The following PRKN variants were observed in gnomAD, a reference collection of about 807,000 sequenced individuals.
The protein encoded by PRKN is E3 ubiquitin-protein ligase parkin.
Under a neutral mutation model 59.5 loss-of-function variants are expected in PRKN, and 56 were observed. That is an observed-to-expected ratio of 0.94 (90% CI 0.76 to 1.18). PRKN has a LOEUF of 1.18. Ranked by LOEUF, PRKN falls within the 50% of genes most tolerant of loss-of-function variation. PRKN has a pLI of 0.00. For synonymous variants in PRKN, 250 were observed against 222.1 expected, an observed-to-expected ratio of 1.13 and a Z score of -1.12; for missense variants, 657 against 596.4, an observed-to-expected ratio of 1.10 and a Z score of -1.06.
intron 5 of PRKN, among the ~76,000 whole-genome samples, chr6:162,006,536 C>G (rs571282705): frequency 1.3e-5 from 2 of 152,176 alleles, no homozygotes; most frequent in Non-Finnish European, 2.9e-5. Context: ...GTCTACAAGA[C>G]CAACGTGAGT....
chr6:162,543,003 C>T (rs1051112569), intron 1 of PRKN, among the ~76,000 whole-genome samples: 6 of 152,162 alleles, frequency 3.9e-5, no homozygotes, highest in Non-Finnish European at 8.8e-5. Context: ...TCTGAGGCAA[C>T]ACTGAGCAAA....
At chr6:162,606,656 G>T (rs1378282013) in intron 1 of PRKN, among the ~76,000 whole-genome samples, 1 of 152,152 alleles carries the variant, frequency 6.6e-6, no homozygotes, top group African/African-American at 2.4e-5. Flanking sequence ...TGATAGATTT[G>T]ATATTGACAT....
chr6:161,404,895 C>A (rs150793149), intron 9 of PRKN, among the ~76,000 whole-genome samples: 1 of 152,180 alleles, frequency 6.6e-6, no homozygotes, highest in South Asian at 2.1e-4. Flanking sequence ...AAACAGAATG[C>A]GAAGCCGTAA....
intron 1 of PRKN, among the ~76,000 whole-genome samples, chr6:162,716,772 GCACACACACACGCGCACACACACA>G (rs1459323951): frequency 2.2e-5 from 3 of 134,640 alleles, no homozygotes; most frequent in African/African-American, 6.5e-5. Context: ...GCGCGCGCAC[GCACACACACACGCGCACACACACA>G]CACACACACA....
intron 1 of PRKN, among the ~76,000 whole-genome samples, chr6:162,465,577 A>G (rs1791375297): frequency 6.6e-6 from 1 of 152,220 alleles, no homozygotes; most frequent in African/African-American, 2.4e-5. Context: ...AAAATGCAAA[A>G]TAATTCTTTT....
Position 161,359,963 on chromosome 6 carries a change from G to A in PRKN, c.1285+125C>T, listed in dbSNP as rs766875584. On this transcript the variant is annotated intron_variant, in intron 11 of 11. Transcript: ENST00000366898. The surrounding 1 kb of genome is among the most constrained non-coding windows in gnomAD (Gnocchi z 5.4). ...ATAGTGATAATGGGTAACATTAATCGAGGGGTTACCCAACACACCAGGCAC... is the reference window on the plus strand; with the variant it reads ...ATAGTGATAATGGGTAACATTAATCAAGGGGTTACCCAACACACCAGGCAC... 74 of 766,522 alleles carry A rather than the reference G, an allele frequency of 9.7e-5. No homozygotes were observed. Among genetic ancestry groups the A allele is most frequent in the South Asian group, 3.3e-4 (23 of 70,766 alleles). 47.5% of individuals were successfully genotyped at this position (766,522 alleles called of 1,614,324 possible).
At chr6:162,150,225 A>G (rs1052709660) in intron 4 of PRKN, among the ~76,000 whole-genome samples, 2 of 152,366 alleles carry the variant, frequency 1.3e-5, no homozygotes, top group South Asian at 4.1e-4. Flanking sequence ...AACAGTGAAA[A>G]GGATCGGTCA....
chr6:161,408,381 G>T (rs1401241608), intron 9 of PRKN, among the ~76,000 whole-genome samples: 1 of 151,110 alleles, frequency 6.6e-6, no homozygotes, highest in African/African-American at 2.4e-5. Flanking sequence ...CGGACATGTG[G>T]GTTTGCGTAT....
At chr6:161,505,178 A>C (rs374109931) in intron 9 of PRKN, among the ~76,000 whole-genome samples, 3 of 152,246 alleles carry the variant, frequency 2.0e-5, no homozygotes, top group South Asian at 2.1e-4. Flanking sequence ...ACATCCTCTC[A>C]AGCATCTGTT....
chr6:161,506,920 G>C (rs1285364002), intron 9 of PRKN, among the ~76,000 whole-genome samples: 1 of 152,112 alleles, frequency 6.6e-6, no homozygotes, highest in Non-Finnish European at 1.5e-5. Flanking sequence ...AGGCTGCCAC[G>C]GAGCCAGGAG....
chr6:162,422,544 T>TA (rs1418526369), intron 2 of PRKN, among the ~76,000 whole-genome samples: 2 of 152,154 alleles, frequency 1.3e-5, no homozygotes, highest in African/African-American at 4.8e-5. Context: ...GTGGTACTTT[T>TA]AAAAAATGAC....
At chr6:162,634,772 C>T (rs35443919) in intron 1 of PRKN, among the ~76,000 whole-genome samples, 13,214 of 152,224 alleles carry the variant, frequency 0.087, 724 homozygotes, top group Middle Eastern at 0.18. Context: ...TAAAGGCACA[C>T]GCCACCATGG....
intron 6 of PRKN, among the ~76,000 whole-genome samples, chr6:161,954,927 G>T (rs1039319416): frequency 6.6e-6 from 1 of 152,176 alleles, no homozygotes; most frequent in African/African-American, 2.4e-5. Flanking sequence ...CAATGGAAAA[G>T]AGCCAGCCCC....
chr6:162,389,018 A>C lies in PRKN; in HGVS notation c.171+54292T>G, dbSNP rs796418071. Among the ~76,000 whole-genome samples the C allele has an allele frequency of 5.4e-5, 8 of 149,326 alleles. No individual in the cohort carries two copies. The East Asian group carries it at 9.7e-4, about 18-fold the overall frequency. On this transcript the variant is annotated intron_variant, in intron 2 of 11. Coordinates refer to ENST00000366898, the MANE Select transcript of PRKN (RefSeq NM_004562.3). ...TTTCAGTTCCTCCAGAAAAAAAAAAAAAAAAACAAAAAAACCTGACCCTCA... is the reference window on the plus strand; with the variant it reads ...TTTCAGTTCCTCCAGAAAAAAAAAACAAAAAACAAAAAAACCTGACCCTCA...
chr6:161,853,898 C>T (rs759331846), intron 6 of PRKN, among the ~76,000 whole-genome samples: 1 of 152,006 alleles, frequency 6.6e-6, no homozygotes, highest in Admixed American at 6.6e-5. Context: ...TTTCAAGTGG[C>T]GCTGCAGTGA....
intron 7 of PRKN, among the ~76,000 whole-genome samples, chr6:161,748,914 G>C (rs1250346493): frequency 2.6e-5 from 4 of 152,180 alleles, no homozygotes; most frequent in Non-Finnish European, 5.9e-5. Context: ...AAATTCCCTT[G>C]CCTGTCATGT....
Position 161,527,170 on chromosome 6 carries a change from A to C in PRKN, c.1083+21684T>G, listed in dbSNP as rs1779045458. Among the ~76,000 whole-genome samples, 1 of 152,174 alleles carries C rather than the reference A, an allele frequency of 6.6e-6. No homozygotes were observed. The highest frequency in any genetic ancestry group is 1.5e-5 in the Non-Finnish European group (1 of 68,036). On this transcript the variant is annotated intron_variant, in intron 9 of 11. Coordinates refer to ENST00000366898, the MANE Select transcript of PRKN (RefSeq NM_004562.3). This position sits in a 1 kb window ranked among gnomAD's most constrained non-coding sequence, Gnocchi z 4.6. ...TCCTATGACAATTATTTTCCTTTAT[A>C]GATATAGATTTCTTTTACAAAAGAA... is the stretch of plus-strand genomic sequence containing the variant.
At chr6:161,603,941 A>G (rs117450041) in intron 7 of PRKN, among the ~76,000 whole-genome samples, 1 of 152,226 alleles carries the variant, frequency 6.6e-6, no homozygotes, top group Non-Finnish European at 1.5e-5. Flanking sequence ...TAGTACCCGT[A>G]TAAAACAGCC....
intron 6 of PRKN, among the ~76,000 whole-genome samples, chr6:161,898,269 G>A (rs1193392539): frequency 1.3e-5 from 2 of 150,534 alleles, no homozygotes; most frequent in Admixed American, 6.6e-5. Context: ...TTTGAATTAC[G>A]GAAGTATTTT....
Sources: gnomAD v4.1 joint callset for allele counts (sites outside exome capture counted in the v4.1 genomes callset) on GRCh38, gnomAD v4.1.1 for gene constraint, Gnocchi (gnomAD v3.1) non-coding constraint, MANE v1.5 for transcripts, NCBI Gene and HGNC (gene_info 2026-07-23, HGNC 2026-07-21) for gene names.